The following PDE10A variants were observed in gnomAD, a reference collection of about 807,000 sequenced individuals.
The protein encoded by PDE10A is cAMP and cAMP-inhibited cGMP 3',5'-cyclic phosphodiesterase 10A.
In PDE10A, 39 loss-of-function variants were observed where a neutral mutation model predicts 97.7. The ratio of observed to expected loss-of-function variants is 0.40; its 90% CI spans 0.31 to 0.52. PDE10A has a LOEUF of 0.52. Among genes scored for constraint, PDE10A ranks in the 20% least tolerant of loss-of-function variants. PDE10A has a pLI of 0.56. For missense variants in PDE10A, 731 were observed against 1,047.8 expected (o/e 0.70, Z 4.17); for synonymous variants, 371 against 376.8 (o/e 0.98, Z 0.18).
chr6:165,512,669 T>C (rs986312221), intron 2 of PDE10A, among the ~76,000 whole-genome samples: 2 of 152,086 alleles, frequency 1.3e-5, no homozygotes, highest in Admixed American at 6.6e-5. Context: ...CATTTCTTGA[T>C]GCAGGCATGT....
chr6:165,927,942 G>T (rs953925508), intron 1 of PDE10A, among the ~76,000 whole-genome samples: 1 of 150,456 alleles, frequency 6.6e-6, no homozygotes, highest in African/African-American at 2.4e-5. Context: ...AGTGATCTGC[G>T]CACCCTCGCC....
At chr6:165,401,812 TA>T (rs910823575) in intron 13 of PDE10A, among the ~76,000 whole-genome samples, 3 of 152,148 alleles carry the variant, frequency 2.0e-5, no homozygotes, top group African/African-American at 7.2e-5. Flanking sequence ...TAACAATCAA[TA>T]AAAAATTATT....
chr6:165,339,499 T>C, intron 19 of PDE10A, 141 bp from the exon 20 acceptor site: 2 of 616,422 alleles, frequency 3.2e-6, no homozygotes, highest in Middle Eastern at 3.4e-4. Flanking sequence ...GAAAAGTACA[T>C]CAAAATAAAG....
chr6:165,826,694 G>C (rs956224129), intron 1 of PDE10A, among the ~76,000 whole-genome samples: 6 of 152,044 alleles, frequency 3.9e-5, no homozygotes, highest in Admixed American at 2.6e-4. Context: ...CCAGAGGCAC[G>C]GTGGGAGCGG....
chr6:165,979,400 C>A (rs1402044109), intron 1 of PDE10A, among the ~76,000 whole-genome samples: 1 of 152,180 alleles, frequency 6.6e-6, no homozygotes, highest in Non-Finnish European at 1.5e-5. Context: ...AAGAAAAATG[C>A]TTTTACAAAT....
At chr6:165,649,259 G>A (rs922924803) in intron 1 of PDE10A, among the ~76,000 whole-genome samples, 8 of 152,036 alleles carry the variant, frequency 5.3e-5, no homozygotes, top group Non-Finnish European at 7.4e-5. Flanking sequence ...ACCAAGCAGC[G>A]GACTAGAAGG....
intron 2 of PDE10A, among the ~76,000 whole-genome samples, chr6:165,509,798 T>C (rs1781409728): frequency 6.6e-6 from 1 of 151,972 alleles, no homozygotes; most frequent in Admixed American, 6.6e-5. Context: ...TCTCACCTCC[T>C]GGTTAAATTT....
intron 1 of PDE10A, among the ~76,000 whole-genome samples, chr6:165,757,196 A>G (rs978798913): frequency 2.0e-5 from 3 of 152,110 alleles, no homozygotes; most frequent in Non-Finnish European, 4.4e-5. Flanking sequence ...CAAACTCCTG[A>G]CCTCATGATC....
intron 20 of PDE10A, among the ~76,000 whole-genome samples, chr6:165,337,870 T>C (rs1781742635): frequency 6.6e-6 from 1 of 152,104 alleles, no homozygotes; most frequent in Non-Finnish European, 1.5e-5. Flanking sequence ...TTAAATAATA[T>C]AACAAGATAC....
At chr6:165,913,962 T>C (rs1030042134) in intron 1 of PDE10A, among the ~76,000 whole-genome samples, 2 of 152,136 alleles carry the variant, frequency 1.3e-5, no homozygotes, top group Admixed American at 6.5e-5. Flanking sequence ...GACATAAGGG[T>C]TTCTTGAATG....
At chr6:165,449,042 T>A (rs966752568) in intron 4 of PDE10A, 65 bp from the exon 5 acceptor site, 8 of 1,139,328 alleles carry the variant, frequency 7.0e-6, no homozygotes, top group Non-Finnish European at 1.1e-5. Flanking sequence ...GTATGCATCC[T>A]CCAGGGTGAG....
intron 1 of PDE10A, among the ~76,000 whole-genome samples, chr6:165,692,636 C>G (rs1178508484): frequency 6.6e-6 from 1 of 152,212 alleles, no homozygotes; most frequent in Non-Finnish European, 1.5e-5. Context: ...AGTTTCTCCT[C>G]AAACCCTCAG....
At chr6:165,972,044 G>A (rs753053391) in intron 1 of PDE10A, among the ~76,000 whole-genome samples, 5 of 152,106 alleles carry the variant, frequency 3.3e-5, no homozygotes, top group East Asian at 1.9e-4. Context: ...TGGGGTGTGA[G>A]GGGGTGAAAG....
At chr6:165,527,405 G>A (rs1257646277) in intron 2 of PDE10A, among the ~76,000 whole-genome samples, 2 of 152,200 alleles carry the variant, frequency 1.3e-5, no homozygotes, top group African/African-American at 2.4e-5. Flanking sequence ...TGGTGCTTGA[G>A]GTGTCAGTAG....
chr6:165,847,848 A>T (rs1461037677), intron 1 of PDE10A, among the ~76,000 whole-genome samples: 1 of 152,254 alleles, frequency 6.6e-6, no homozygotes, highest in Non-Finnish European at 1.5e-5. Flanking sequence ...GAGCGTAAAC[A>T]AATTTCCCTG....
intron 1 of PDE10A, among the ~76,000 whole-genome samples, chr6:165,965,606 C>G (rs1202560080): frequency 6.6e-6 from 1 of 152,202 alleles, no homozygotes; most frequent in African/African-American, 2.4e-5. Context: ...TTCTTTGTCA[C>G]TCAGCACACT....
chr6:165,517,127 G>GAT (rs1470075089), intron 2 of PDE10A, among the ~76,000 whole-genome samples: 2 of 152,116 alleles, frequency 1.3e-5, no homozygotes, highest in Admixed American at 1.3e-4. Flanking sequence ...CATTACATAA[G>GAT]ATATTAGAAA....
intron 18 of PDE10A, among the ~76,000 whole-genome samples, chr6:165,360,713 A>G (rs1343381281): frequency 6.6e-6 from 1 of 152,216 alleles, no homozygotes; most frequent in Non-Finnish European, 1.5e-5. Flanking sequence ...GAAAGGGCCC[A>G]TATTTGACTG....
At chr6:165,606,323 G>A (rs1454106836) in intron 1 of PDE10A, among the ~76,000 whole-genome samples, 1 of 152,050 alleles carries the variant, frequency 6.6e-6, no homozygotes, top group African/African-American at 2.4e-5. Context: ...AACTATCCCA[G>A]GATCTTAGTA....
Sources: gnomAD v4.1 joint callset for allele counts (sites outside exome capture counted in the v4.1 genomes callset) on GRCh38, gnomAD v4.1.1 for gene constraint, MANE v1.5 for transcripts, NCBI Gene and HGNC (gene_info 2026-07-23, HGNC 2026-07-21) for gene names.